GOLIM4: variants seen among roughly 807,000 people sequenced by gnomAD.
The protein encoded by GOLIM4 is golgi integral membrane protein 4, also known as 130 kDa golgi-localized phosphoprotein.
A neutral mutation model predicts 107.4 loss-of-function variants in GOLIM4; 71 were observed. That is an observed-to-expected ratio of 0.66 (90% CI 0.55 to 0.81). The LOEUF (loss-of-function observed/expected upper bound fraction) is 0.81. GOLIM4 is among the 30% of genes least tolerant of loss of function. The pLI, the probability that GOLIM4 is intolerant of heterozygous loss-of-function variation, is 0.00. For synonymous variants in GOLIM4, 327 were observed against 294.8 expected (o/e 1.11, Z -1.12); for missense variants, 830 against 826.1 (o/e 1.00, Z -0.06).
At chr3:168,060,867 A>AT (rs1452114176) in intron 1 of GOLIM4, among the ~76,000 whole-genome samples, 1 of 152,192 alleles carries the variant, frequency 6.6e-6, no homozygotes, top group Non-Finnish European at 1.5e-5. Context: ...AAGGTGGATA[A>AT]TAACAGCAGG....
At chr3:168,041,761 T>G (rs1045923586) in intron 5 of GOLIM4, among the ~76,000 whole-genome samples, 1 of 152,128 alleles carries the variant, frequency 6.6e-6, no homozygotes, top group African/African-American at 2.4e-5. Context: ...AAATGAGATG[T>G]TAATGTCAAT....
intron 1 of GOLIM4, among the ~76,000 whole-genome samples, chr3:168,080,689 G>A (rs960521397): frequency 5.3e-5 from 8 of 152,200 alleles, no homozygotes; most frequent in African/African-American, 4.8e-5. Context: ...AAGCCCACAC[G>A]CCCCATTCCA....
In GOLIM4 at chr3:168,008,786, A is replaced by G. The variant is rs1055793490; in HGVS notation, c.*1483T>C. ...CATTAAAAATACAAGCTAATTTACC[A>G]AAATAATTGTATTCTGAATATTATG... is the stretch of plus-strand genomic sequence containing the variant. On this transcript the variant is annotated 3_prime_UTR_variant, in exon 16 of 16. Transcript: ENST00000470487. 3.3e-5 allele frequency: 5 copies of G among 152,116 alleles called. No homozygotes were observed. The highest frequency in any genetic ancestry group is 3.3e-4 in the Admixed American group (5 of 15,266). 9.4% of individuals were successfully genotyped at this position (152,116 alleles called of 1,614,324 possible). A position where few individuals can be genotyped will look rare whatever the true frequency, so the allele number is the denominator to read the frequency against.
chr3:168,017,318 T>C (rs540724348), intron 14 of GOLIM4, among the ~76,000 whole-genome samples: 105 of 152,132 alleles, frequency 6.9e-4, no homozygotes, highest in African/African-American at 2.4e-3. Context: ...ACCCTGTCTC[T>C]ACAAAAAAGA....
Position 168,010,352 on chromosome 3 carries a change from C to A in GOLIM4, c.2008G>T (p.Glu670Ter). The change falls in exon 16 of 16, where the codon GAG (glutamate) becomes TAG (stop). Residue 670 changes from glutamate (E) to a stop codon, truncating the protein, a stop_gained. Transcript: ENST00000470487. LOFTEE classifies it high-confidence loss of function. ...TCTTCTTCCTCCTCGTAGTGTTCCT[C>A]TCGGCCTTTGGGGCGGTTGTCATCT... Reference protein sequence around the residue: ...VRDDNRPKGREEHYEEEEEEE... With the variant: ...VRDDNRPKGR 6.2e-7 allele frequency: 1 copy of A among 1,613,618 alleles called. No individual in the cohort carries two copies. Among genetic ancestry groups the A allele is most frequent in the Non-Finnish European group, 8.5e-7 (1 of 1,179,588 alleles).
At chr3:168,055,465 G>T (rs1719894653) in intron 1 of GOLIM4, among the ~76,000 whole-genome samples, 1 of 152,076 alleles carries the variant, frequency 6.6e-6, no homozygotes, top group Non-Finnish European at 1.5e-5. Context: ...GATGATTTAG[G>T]GATCTGGTGG....
At chr3:168,046,656 T>C (rs970267215) in intron 3 of GOLIM4, among the ~76,000 whole-genome samples, 7 of 152,238 alleles carry the variant, frequency 4.6e-5, no homozygotes, top group African/African-American at 1.7e-4. Context: ...AAATCTTACA[T>C]TCTATAAAAA....
At chr3:168,030,747 C>T (rs949841492) in intron 9 of GOLIM4, among the ~76,000 whole-genome samples, 2 of 152,086 alleles carry the variant, frequency 1.3e-5, no homozygotes, top group Non-Finnish European at 2.9e-5. Flanking sequence ...GGGGAACCCT[C>T]GTACGCTGTT....
chr3:168,065,391 T>G (rs1370652762), intron 1 of GOLIM4, among the ~76,000 whole-genome samples: 1 of 152,200 alleles, frequency 6.6e-6, no homozygotes, highest in Non-Finnish European at 1.5e-5. Context: ...AAGAAGACTA[T>G]TTTTTATCTG....
intron 1 of GOLIM4, among the ~76,000 whole-genome samples, chr3:168,051,384 C>T (rs1173837937): frequency 6.6e-6 from 1 of 152,138 alleles, no homozygotes; most frequent in Non-Finnish European, 1.5e-5. Context: ...ACATATTTGA[C>T]ATATTAACAG....
chr3:168,050,565 G>A (rs1034611010), intron 1 of GOLIM4, among the ~76,000 whole-genome samples: 3 of 151,990 alleles, frequency 2.0e-5, no homozygotes, highest in Non-Finnish European at 2.9e-5. Flanking sequence ...TCAGGAACAC[G>A]TAAGCTCCCC....
Position 168,024,931 on chromosome 3 carries a change from C to T in GOLIM4, c.1788G>A (p.Leu596=). ...CTTCCTCGTGGCATCTGCTTACCAC[C>T]AAATGTTCCTCCACTTCTGTATTCT... The part of the protein sequence containing the change: ...KQENTEVEEH[L]VMAGNPDQQE... Residue 596 remains leucine (L), a synonymous_variant, in exon 13 of 16, where the codon TTG becomes TTA. Coordinates refer to ENST00000470487, the MANE Select transcript of GOLIM4 (RefSeq NM_014498.5). 1 of 1,613,366 alleles carries T rather than the reference C, an allele frequency of 6.2e-7. No homozygotes were observed. The highest frequency in any genetic ancestry group is 1.7e-4 in the Middle Eastern group (1 of 6,056).
chr3:168,057,251 TAAAC>T (rs1720030151), intron 1 of GOLIM4, among the ~76,000 whole-genome samples: 2 of 152,222 alleles, frequency 1.3e-5, no homozygotes, highest in Non-Finnish European at 2.9e-5. Context: ...GTAAGTCCAA[TAAAC>T]CTCTTTCTTT....
chr3:168,027,619 G>T, intron 12 of GOLIM4, 109 bp downstream of exon 12: 1 of 728,822 alleles, frequency 1.4e-6, no homozygotes, highest in Non-Finnish European at 2.5e-6. Flanking sequence ...TCTGGGCTGA[G>T]GATATAACAG....
rs190797252 is a variant in GOLIM4 at position 168,072,011 on chromosome 3, T to A, written c.187+23088A>T. Among the ~76,000 whole-genome samples, 66 of 152,208 alleles carry A rather than the reference T, an allele frequency of 4.3e-4. 1 individual carries two copies. The East Asian group carries it at 0.013, about 29-fold the overall frequency. ...TCGGAAGGATACCTAGAGAAAAAGT[T>A]TAATTTTATGGCCAGTCTTGGACTC... On this transcript the variant is annotated intron_variant, in intron 1 of 15. Transcript: ENST00000470487.
chr3:168,061,786 C>G (rs1025782898), intron 1 of GOLIM4, among the ~76,000 whole-genome samples: 4 of 152,170 alleles, frequency 2.6e-5, no homozygotes, highest in African/African-American at 9.7e-5. Flanking sequence ...ACTATTCACA[C>G]TGTGCACATG....
intron 1 of GOLIM4, among the ~76,000 whole-genome samples, chr3:168,059,647 G>C (rs1464117114): frequency 6.6e-6 from 1 of 152,164 alleles, no homozygotes; most frequent in African/African-American, 2.4e-5. Flanking sequence ...TTCTCACAGA[G>C]AGATATAGAT....
chr3:168,023,200 C>T (rs561447609), intron 14 of GOLIM4, among the ~76,000 whole-genome samples: 1 of 152,124 alleles, frequency 6.6e-6, no homozygotes, highest in African/African-American at 2.4e-5. Flanking sequence ...CATAATAAAA[C>T]AAAGTGGTAT....
chr3:168,016,983 G>A (rs1255496858), intron 14 of GOLIM4, among the ~76,000 whole-genome samples: 2 of 150,042 alleles, frequency 1.3e-5, no homozygotes, highest in African/African-American at 5.1e-5. Context: ...CATGGCACAT[G>A]TATACATATG....
Sources: allele counts gnomAD v4.1 joint callset (sites outside exome capture counted in the v4.1 genomes callset), GRCh38; gene constraint gnomAD v4.1.1; transcripts MANE v1.5; gene names NCBI Gene and HGNC (gene_info 2026-07-23, HGNC 2026-07-21).